L3MBTL4: variants seen among roughly 807,000 people sequenced by gnomAD.
The protein encoded by L3MBTL4 is lethal(3)malignant brain tumor-like protein 4.
In L3MBTL4, 70 loss-of-function variants were observed where a neutral mutation model predicts 84.5. The ratio of observed to expected loss-of-function variants is 0.83; its 90% confidence interval spans 0.68 to 1.01. L3MBTL4 has a LOEUF of 1.01. Ranked by LOEUF, L3MBTL4 falls within the 50% of genes least tolerant of loss-of-function variation. The pLI is 0.00. For missense variants in L3MBTL4, 715 were observed against 754.8 expected (o/e 0.95, Z 0.62); for synonymous variants, 274 against 259.8 (o/e 1.05, Z -0.52).
intron 16 of L3MBTL4, among the ~76,000 whole-genome samples, chr18:6,039,935 G>C (rs922611592): frequency 5.9e-5 from 9 of 152,290 alleles, no homozygotes; most frequent in African/African-American, 1.9e-4. Flanking sequence ...ATTAGCTTAA[G>C]TAATATGATT....
chr18:6,230,373 G>C (rs1197539075), intron 10 of L3MBTL4, among the ~76,000 whole-genome samples: 1 of 152,212 alleles, frequency 6.6e-6, no homozygotes, highest in Non-Finnish European at 1.5e-5. Flanking sequence ...TAGGATAATG[G>C]TCTCCAGCTC....
At chr18:6,395,490 T>C (rs1340324417) in intron 1 of L3MBTL4, 1 of 152,178 alleles carries the variant, frequency 6.6e-6, no homozygotes, top group Non-Finnish European at 1.5e-5. Context: ...TCTTTTATTT[T>C]AAAAGTGTAT....
intron 4 of L3MBTL4, among the ~76,000 whole-genome samples, chr18:6,276,794 G>T (rs2049098791): frequency 6.6e-6 from 1 of 151,786 alleles, no homozygotes; most frequent in Non-Finnish European, 1.5e-5. Context: ...ACAAAGAAAA[G>T]AAATAGGAAA....
At chr18:5,998,651 C>G (rs569796179) in intron 16 of L3MBTL4, among the ~76,000 whole-genome samples, 1 of 152,104 alleles carries the variant, frequency 6.6e-6, no homozygotes, top group Admixed American at 6.5e-5. Flanking sequence ...AAGGGGTGAT[C>G]CACCAGACTT....
At chr18:6,019,065 AT>A (rs1396078892) in intron 16 of L3MBTL4, among the ~76,000 whole-genome samples, 1 of 152,234 alleles carries the variant, frequency 6.6e-6, no homozygotes, top group Non-Finnish European at 1.5e-5. Context: ...AGATGCATGG[AT>A]ATTACCTACA....
intron 16 of L3MBTL4, among the ~76,000 whole-genome samples, chr18:5,976,420 A>T (rs1450314551): frequency 6.6e-6 from 1 of 152,210 alleles, no homozygotes; most frequent in Non-Finnish European, 1.5e-5. Flanking sequence ...TGTCCAGAAG[A>T]GTGCTGAGCC....
At chr18:6,357,045 T>C (rs1051610473) in intron 1 of L3MBTL4, among the ~76,000 whole-genome samples, 38 of 152,172 alleles carry the variant, frequency 2.5e-4, no homozygotes, top group African/African-American at 8.7e-4. Context: ...GGGTGTCATA[T>C]ATGCAGTCCG....
intron 16 of L3MBTL4, among the ~76,000 whole-genome samples, chr18:6,061,157 T>C (rs1568049568): frequency 6.6e-6 from 1 of 152,126 alleles, no homozygotes; most frequent in Non-Finnish European, 1.5e-5. Flanking sequence ...AGAGTCCCTG[T>C]TGCTTCACAT....
intron 1 of L3MBTL4, among the ~76,000 whole-genome samples, chr18:6,374,010 A>T (rs2054265452): frequency 6.6e-6 from 1 of 152,160 alleles, no homozygotes; most frequent in Non-Finnish European, 1.5e-5. Context: ...TCATTGTTGT[A>T]ATTTTTCATC....
rs367765419 is a variant in L3MBTL4 at position 6,401,743 on chromosome 18, C to A, written c.-91+13058G>T. 2.4e-4 allele frequency among the ~76,000 whole-genome samples: 37 copies of A among 152,288 alleles called. No homozygotes were observed. In the East Asian group the frequency reaches 5.6e-3, roughly 23 times the overall value. On this transcript the variant is annotated intron_variant, in intron 1 of 18. Transcript: ENST00000317931. ...CGGCTCTAATATTTGAAAAGCATCC[C>A]CACATACTGTGTGGTGACACCTCCA... is the stretch of plus-strand genomic sequence containing the variant.
intron 16 of L3MBTL4, among the ~76,000 whole-genome samples, chr18:6,071,427 A>T (rs2057593878): frequency 6.6e-6 from 1 of 151,524 alleles, no homozygotes; most frequent in Admixed American, 6.6e-5. Flanking sequence ...CCCTAAGTCC[A>T]ACTTAACACT....
intron 14 of L3MBTL4, among the ~76,000 whole-genome samples, chr18:6,121,954 C>T (rs1173783870): frequency 6.6e-6 from 1 of 152,142 alleles, no homozygotes; most frequent in African/African-American, 2.4e-5. Flanking sequence ...TCAACTACCA[C>T]TCCAGTTCTG....
intron 10 of L3MBTL4, among the ~76,000 whole-genome samples, chr18:6,220,720 T>G (rs754635371): frequency 3.3e-4 from 50 of 152,248 alleles, no homozygotes; most frequent in Non-Finnish European, 5.3e-4. Context: ...TCAGTAAGTA[T>G]TTGGTAAATA....
intron 16 of L3MBTL4, among the ~76,000 whole-genome samples, chr18:6,071,384 T>C (rs2057590649): frequency 7.1e-6 from 1 of 140,080 alleles, no homozygotes. Flanking sequence ...AGTGAGACTC[T>C]TTCAATTAAA....
chr18:6,124,605 A>C (rs1225129295), intron 14 of L3MBTL4, among the ~76,000 whole-genome samples: 1 of 152,098 alleles, frequency 6.6e-6, no homozygotes, highest in Non-Finnish European at 1.5e-5. Flanking sequence ...CTGGGCTTAA[A>C]CACCTGTCTC....
intron 12 of L3MBTL4, among the ~76,000 whole-genome samples, chr18:6,176,274 G>T (rs895050255): frequency 2.0e-5 from 3 of 152,116 alleles, no homozygotes; most frequent in African/African-American, 4.8e-5. Context: ...AATTAACAAA[G>T]TTGGAGAACT....
intron 4 of L3MBTL4, among the ~76,000 whole-genome samples, chr18:6,271,428 C>G (rs973424110): frequency 6.6e-6 from 1 of 152,050 alleles, no homozygotes; most frequent in African/African-American, 2.4e-5. Context: ...TGCAGAAATT[C>G]GATCAACAGG....
intron 15 of L3MBTL4, among the ~76,000 whole-genome samples, chr18:6,089,627 C>T (rs2058374125): frequency 6.6e-6 from 1 of 152,120 alleles, no homozygotes; most frequent in African/African-American, 2.4e-5. Context: ...CAGACACTAC[C>T]TAACCTCTCT....
intron 12 of L3MBTL4, among the ~76,000 whole-genome samples, chr18:6,201,084 T>A (rs2045630267): frequency 6.6e-6 from 1 of 152,118 alleles, no homozygotes; most frequent in African/African-American, 2.4e-5. Context: ...ACTCGGGTAA[T>A]CAAGGGATAA....
Sources: gnomAD v4.1 joint callset for allele counts (sites outside exome capture counted in the v4.1 genomes callset) on GRCh38, gnomAD v4.1.1 for gene constraint, MANE v1.5 for transcripts, NCBI Gene and HGNC (gene_info 2026-07-23, HGNC 2026-07-21) for gene names.